DCC: variants seen among roughly 807,000 people sequenced by gnomAD.
The protein encoded by DCC is netrin receptor DCC.
DCC carries 58 observed loss-of-function variants against 172.5 expected under a neutral mutation model. The ratio of observed to expected loss-of-function variants is 0.34; its 90% CI spans 0.27 to 0.42. The LOEUF (loss-of-function observed/expected upper bound fraction) is 0.42. DCC is among the 10% of genes least tolerant of loss of function. The pLI, the probability that DCC is intolerant of heterozygous loss-of-function variation, is 1.00. For missense variants in DCC, 1,740 were observed against 1,791.0 expected (o/e 0.97, Z 0.51); for synonymous variants, 709 against 644.5 (o/e 1.10, Z -1.52).
At chr18:52,970,220 T>C (rs1395993059) in intron 5 of DCC, among the ~76,000 whole-genome samples, 1 of 152,126 alleles carries the variant, frequency 6.6e-6, no homozygotes, top group Non-Finnish European at 1.5e-5. Flanking sequence ...GTTTAAATCT[T>C]CTGAATAATT....
At position 53,481,468 on chromosome 18, in the gene DCC, C is replaced by T. The variant is rs886927404; in HGVS notation, c.3737-5329C>T. Among the ~76,000 whole-genome samples, 2 of 152,154 alleles carry T rather than the reference C, an allele frequency of 1.3e-5. 1 individual carries two copies. The highest frequency in any genetic ancestry group is 1.3e-4 in the Admixed American group (2 of 15,272). ...TGTGAATGTCATTCTGTGGCACTTG[C>T]TTATCAAAGAACACCTGAAAATGTG... On this transcript the variant is annotated intron_variant, in intron 25 of 28. Transcript: ENST00000442544.
intron 12 of DCC, among the ~76,000 whole-genome samples, chr18:53,267,181 C>T (rs1194192475): frequency 6.6e-6 from 1 of 150,824 alleles, no homozygotes; most frequent in African/African-American, 2.4e-5. Flanking sequence ...GACAGAGAGA[C>T]AGAGACAGAG....
intron 7 of DCC, among the ~76,000 whole-genome samples, chr18:53,094,898 A>C (rs2043063694): frequency 6.6e-6 from 1 of 152,206 alleles, no homozygotes; most frequent in Non-Finnish European, 1.5e-5. Context: ...CTAATAAATA[A>C]TAGAGGACAG....
At chr18:52,399,340 C>T (rs1986351407) in intron 1 of DCC, among the ~76,000 whole-genome samples, 1 of 151,906 alleles carries the variant, frequency 6.6e-6, no homozygotes, top group Non-Finnish European at 1.5e-5. Context: ...GGTCAAGGCA[C>T]TGTTTAATTT....
At chr18:52,656,349 C>A (rs966289059) in intron 1 of DCC, among the ~76,000 whole-genome samples, 2 of 151,974 alleles carry the variant, frequency 1.3e-5, no homozygotes, top group African/African-American at 4.8e-5. Flanking sequence ...ACAATGAATA[C>A]ATGACTATCT....
intron 1 of DCC, among the ~76,000 whole-genome samples, chr18:52,515,317 A>G (rs1311925545): frequency 1.3e-5 from 2 of 152,000 alleles, no homozygotes; most frequent in African/African-American, 4.8e-5. Flanking sequence ...ATAAAAATAG[A>G]TCATAGACGG....
intron 2 of DCC, among the ~76,000 whole-genome samples, chr18:52,795,037 TG>T (rs1462220459): frequency 1.3e-5 from 2 of 152,176 alleles, no homozygotes; most frequent in African/African-American, 4.8e-5. Context: ...GCTAATATTT[TG>T]TTAAGGTTTT....
intron 5 of DCC, among the ~76,000 whole-genome samples, chr18:53,017,986 A>G (rs964151469): frequency 6.6e-6 from 1 of 152,154 alleles, no homozygotes; most frequent in Non-Finnish European, 1.5e-5. Flanking sequence ...CACCAACACA[A>G]TCTGCATTCC....
chr18:52,823,873 C>G (rs771860878), intron 2 of DCC, among the ~76,000 whole-genome samples: 4 of 152,062 alleles, frequency 2.6e-5, no homozygotes, highest in Non-Finnish European at 5.9e-5. Context: ...CAGGGAACAA[C>G]ACGTATGTGA....
At chr18:53,094,342 C>T (rs1263098364) in intron 7 of DCC, among the ~76,000 whole-genome samples, 1 of 152,168 alleles carries the variant, frequency 6.6e-6, no homozygotes, top group Non-Finnish European at 1.5e-5. Flanking sequence ...CATTCCTCTT[C>T]TGAAGGAGAT....
intron 1 of DCC, among the ~76,000 whole-genome samples, chr18:52,387,435 G>T (rs754960272): frequency 6.6e-6 from 1 of 152,118 alleles, no homozygotes; most frequent in African/African-American, 2.4e-5. Flanking sequence ...GTTTTCACGT[G>T]TATTGAAGCT....
chr18:53,179,962 T>G (rs954941631), intron 9 of DCC, among the ~76,000 whole-genome samples: 1 of 152,228 alleles, frequency 6.6e-6, no homozygotes, highest in Non-Finnish European at 1.5e-5. Context: ...CCTGTTTCCT[T>G]TTTATATAAC....
At chr18:52,390,489 T>C (rs1938070388) in intron 1 of DCC, among the ~76,000 whole-genome samples, 1 of 152,126 alleles carries the variant, frequency 6.6e-6, no homozygotes, top group Admixed American at 6.5e-5. Context: ...CTAATAAATT[T>C]AAAAATAAAG....
chr18:53,517,858 T>C (rs2046355609), intron 27 of DCC, among the ~76,000 whole-genome samples: 1 of 152,154 alleles, frequency 6.6e-6, no homozygotes, highest in Non-Finnish European at 1.5e-5. Flanking sequence ...TTGCAAAATT[T>C]ATAGTTTGAA....
chr18:52,799,880 T>TTGATTC (rs2037951077), intron 2 of DCC, among the ~76,000 whole-genome samples: 3 of 152,262 alleles, frequency 2.0e-5, no homozygotes, highest in South Asian at 4.2e-4. Flanking sequence ...GGCTAGTTTG[T>TTGATTC]TGTTGGGTGT....
chr18:52,474,406 A>C (rs1989037738), intron 1 of DCC, among the ~76,000 whole-genome samples: 1 of 152,274 alleles, frequency 6.6e-6, no homozygotes, highest in East Asian at 1.9e-4. Flanking sequence ...CAAATTAGCC[A>C]ACTTTTCATG....
chr18:52,426,722 A>G (rs1266199277), intron 1 of DCC, among the ~76,000 whole-genome samples: 1 of 152,108 alleles, frequency 6.6e-6, no homozygotes, highest in Non-Finnish European at 1.5e-5. Context: ...TAAATAGGTG[A>G]GGATTTACAA....
intron 1 of DCC, among the ~76,000 whole-genome samples, chr18:52,455,359 C>T (rs979005145): frequency 6.6e-6 from 1 of 152,256 alleles, no homozygotes; most frequent in South Asian, 2.1e-4. Context: ...TCAGAATCAC[C>T]AGAGAACCAT....
At chr18:52,924,120 T>C (rs1943126) in intron 4 of DCC, among the ~76,000 whole-genome samples, 59,914 of 151,864 alleles carry the variant, frequency 0.39, 12,398 homozygotes, top group Non-Finnish European at 0.47. Context: ...GATGGTCCTG[T>C]CCAAAGAGTC....
Sources: allele counts gnomAD v4.1 joint callset (sites outside exome capture counted in the v4.1 genomes callset), GRCh38; gene constraint gnomAD v4.1.1; transcripts MANE v1.5; gene names NCBI Gene and HGNC (gene_info 2026-07-23, HGNC 2026-07-21).